Variants in UFL1 observed in about 807,000 individuals in gnomAD.
UFL1 encodes E3 UFM1-protein ligase 1.
Under a neutral mutation model 99.3 loss-of-function variants are expected in UFL1, and 78 were observed. That is an observed-to-expected ratio of 0.79 (90% confidence interval 0.65 to 0.95). UFL1 has a LOEUF of 0.95. UFL1 is among the 40% of genes least tolerant of loss of function. The pLI is 0.00. For missense variants in UFL1, 936 were observed against 937.0 expected, an observed-to-expected ratio of 1.00 and a Z score of 0.01; for synonymous variants, 335 against 322.2, an observed-to-expected ratio of 1.04 and a Z score of -0.42.
At position 96,537,454 on chromosome 6, in the gene UFL1, T is replaced by C. The variant is rs1168075463; in HGVS notation, c.883T>C (p.Phe295Leu). 6.2e-7 allele frequency: 1 copy of C among 1,610,422 alleles called. No homozygotes were observed. The highest frequency in any genetic ancestry group is 8.5e-7 in the Non-Finnish European group (1 of 1,178,044). Residue 295 changes from phenylalanine (F) to leucine (L), a missense_variant, in exon 9 of 19, where the codon TTT (phenylalanine) becomes CTT (leucine). Physicochemically the swap from Phe to Leu is conservative, Grantham distance 22. Coordinates refer to ENST00000369278, the MANE Select transcript of UFL1 (RefSeq NM_015323.5). ...AAGATATAAGACTACACAACTCTTGTTTTTGAAAGCAGCTTGTGTTGGTCA... is the reference window on the plus strand; with the variant it reads ...AAGATATAAGACTACACAACTCTTGCTTTTGAAAGCAGCTTGTGTTGGTCA... ...KKRYKTTQLL[F>L]LKAACVGQGL...
intron 9 of UFL1, 142 bp downstream of exon 9, chr6:96,537,691 CT>C: frequency 2.6e-6 from 2 of 776,348 alleles, no homozygotes; most frequent in Non-Finnish European, 3.8e-6. Context: ...CAAAAATAAT[CT>C]TTATGCTTAA....
rs909123541 is a variant in UFL1, at chr6:96,554,595, A to T, written c.*1092A>T. ...ATTTAATTATTTTGAATATAATTAT[A>T]AATTAAATTTCAAATATTTAAAAAT... On this transcript the variant is annotated 3_prime_UTR_variant, in exon 19 of 19. Coordinates refer to ENST00000369278, the MANE Select transcript of UFL1 (RefSeq NM_015323.5). The T allele has an allele frequency of 9.2e-5, 14 of 151,914 alleles. No homozygotes were observed. The highest frequency in any genetic ancestry group is 1.5e-4 in the Non-Finnish European group (10 of 67,922). 9.4% of individuals were successfully genotyped at this position (151,914 alleles called of 1,614,324 possible). A position where few individuals can be genotyped will look rare whatever the true frequency, so the allele number is the denominator to read the frequency against.
chr6:96,524,483 C>T (rs1769671718), intron 3 of UFL1, 73 bp downstream of exon 3: 2 of 1,143,716 alleles, frequency 1.7e-6, no homozygotes, highest in Non-Finnish European at 2.5e-6. Context: ...TTCAAGTATT[C>T]ACTAATGCTG....
intron 3 of UFL1, 34 bp from the exon 4 acceptor site, chr6:96,525,263 C>A: frequency 7.0e-7 from 1 of 1,430,550 alleles, no homozygotes; most frequent in Non-Finnish European, 9.7e-7. Flanking sequence ...ACAATACAAA[C>A]TAATCATTAA....
intron 6 of UFL1, among the ~76,000 whole-genome samples, chr6:96,529,348 C>CT (rs1469441915): frequency 1.3e-5 from 2 of 152,174 alleles, no homozygotes; most frequent in African/African-American, 2.4e-5. Flanking sequence ...TCTATATCAT[C>CT]TATCATGCTG....
intron 12 of UFL1, among the ~76,000 whole-genome samples, chr6:96,544,964 G>A (rs1769980237): frequency 6.6e-6 from 1 of 150,902 alleles, no homozygotes; most frequent in Admixed American, 6.6e-5. Flanking sequence ...TGAAATAGAG[G>A]ATGAAATTGG....
intron 7 of UFL1, 77 bp downstream of exon 7, chr6:96,534,398 T>A (rs1769825318): frequency 1.7e-6 from 2 of 1,145,092 alleles, no homozygotes; most frequent in Admixed American, 2.9e-5. Flanking sequence ...AACTTTAATG[T>A]TTTTTCCTCT....
intron 5 of UFL1, among the ~76,000 whole-genome samples, chr6:96,527,265 T>C (rs1301147183): frequency 6.6e-6 from 1 of 152,194 alleles, no homozygotes; most frequent in Non-Finnish European, 1.5e-5. Flanking sequence ...AGGAAAATCA[T>C]TTCATCTCTT....
In UFL1 at chr6:96,538,816, C is replaced by G; in HGVS notation, c.1158+6C>G. On this transcript the variant is annotated splice_donor_region_variant and intron_variant, in intron 10 of 18. Transcript: ENST00000369278. ...TGCACCAGAAAGCTGAAAAGGTATT[C>G]CAGATTTCCTTTTATCTGCTAATCT... 1 of 1,583,004 alleles carries G rather than the reference C, an allele frequency of 6.3e-7. No individual in the cohort carries two copies.
At chr6:96,529,677 C>T (rs898486566) in intron 6 of UFL1, among the ~76,000 whole-genome samples, 14 of 152,282 alleles carry the variant, frequency 9.2e-5, no homozygotes, top group African/African-American at 1.7e-4. Context: ...TAAAGTTTCA[C>T]GCCATCTTTT....
rs1770114904 is a variant in UFL1 at position 96,553,729 on chromosome 6, C to T, written c.*226C>T. The stretch of plus-strand genomic sequence containing the variant: ...GAAGTTTTTTTCCACCTGATTTTCA[C>T]ACAAATACTATATGAAATTTTTCAC... On this transcript the variant is annotated 3_prime_UTR_variant, in exon 19 of 19. Transcript: ENST00000369278. 2 of 394,420 alleles carry T rather than the reference C, an allele frequency of 5.1e-6. No individual in the cohort carries two copies. Among genetic ancestry groups the T allele is most frequent in the Non-Finnish European group, 9.0e-6 (2 of 221,330 alleles). The allele number at this position is 394,420 out of a possible 1,614,324, so 24.4% of individuals were successfully genotyped here. A position where few individuals can be genotyped will look rare whatever the true frequency, so the allele number is the denominator to read the frequency against.
intron 2 of UFL1, among the ~76,000 whole-genome samples, chr6:96,524,149 A>G (rs1459397076): frequency 2.6e-5 from 4 of 151,838 alleles, no homozygotes; most frequent in African/African-American, 4.8e-5. Context: ...TGGTGCTCAT[A>G]ATTGGCCTGA....
intron 11 of UFL1, 141 bp from the exon 12 acceptor site, chr6:96,542,753 A>C (rs1173790424): frequency 2.6e-6 from 2 of 779,098 alleles, no homozygotes; most frequent in Non-Finnish European, 3.6e-6. Flanking sequence ...AGGGAACTCC[A>C]AATTTAAAAA....
chr6:96,541,067 T>G (rs1054321616), intron 11 of UFL1, among the ~76,000 whole-genome samples: 1 of 151,436 alleles, frequency 6.6e-6, no homozygotes, highest in African/African-American at 2.4e-5. Flanking sequence ...TGGTGTATTC[T>G]TTTCATTCAG....
At chr6:96,541,671 ATATAGT>A (rs957093645) in intron 11 of UFL1, among the ~76,000 whole-genome samples, 2 of 151,402 alleles carry the variant, frequency 1.3e-5, no homozygotes, top group Admixed American at 6.6e-5. Flanking sequence ...ATATTTGAAG[ATATAGT>A]TATAAATTTG....
Position 96,536,318 on chromosome 6 carries a change from T to C in UFL1, c.730T>C (p.Phe244Leu). Residue 244 changes from phenylalanine (F) to leucine (L), a missense_variant, in exon 8 of 19, where the codon TTT becomes CTT. Phe to Leu is a conservative substitution (Grantham distance 22). Transcript: ENST00000369278. The stretch of plus-strand genomic sequence containing the variant: ...TGGTGGGAGACAGGATAAAGCTGTG[T>C]TTGTCCCTGACATCTACTCCAGGAC... Reference protein sequence around the residue: ...VVGGRQDKAVFVPDIYSRTQS... With the variant: ...VVGGRQDKAVLVPDIYSRTQS... 6.2e-7 allele frequency: 1 copy of C among 1,611,652 alleles called. No individual in the cohort carries two copies. Among genetic ancestry groups the C allele is most frequent in the Non-Finnish European group, 8.5e-7 (1 of 1,178,360 alleles).
chr6:96,548,733 C>A (rs546978422), intron 13 of UFL1, among the ~76,000 whole-genome samples: 1 of 151,738 alleles, frequency 6.6e-6, no homozygotes, highest in South Asian at 2.1e-4. Context: ...GCACTCCTAC[C>A]TTATGAATGG....
rs1448525567 is a variant in UFL1, at chr6:96,549,660, A to G, written c.1688-9A>G. ...AAATTAGTTTTAATAAAGGTCCTTT[A>G]TTTTCCAGATGACACACAGGCTGCT... On this transcript the variant is annotated splice_polypyrimidine_tract_variant and intron_variant, in intron 14 of 18. Transcript: ENST00000369278. 2 of 1,599,590 alleles carry G rather than the reference A, an allele frequency of 1.3e-6. No individual in the cohort carries two copies. The highest frequency in any genetic ancestry group is 2.3e-5 in the South Asian group (2 of 87,750).
chr6:96,548,953 T>C (rs1403499336), intron 13 of UFL1, among the ~76,000 whole-genome samples: 1 of 151,682 alleles, frequency 6.6e-6, no homozygotes, highest in Non-Finnish European at 1.5e-5. Flanking sequence ...ATAAATGTAT[T>C]ACAGAATTAT....
Sources: allele counts gnomAD v4.1 joint callset (sites outside exome capture counted in the v4.1 genomes callset), GRCh38; gene constraint gnomAD v4.1.1; transcripts MANE v1.5; gene names NCBI Gene and HGNC (gene_info 2026-07-23, HGNC 2026-07-21).